GPIHBP1: variants seen among roughly 807,000 people sequenced by gnomAD.
The protein encoded by GPIHBP1 is glycosylphosphatidylinositol-anchored high density lipoprotein-binding protein 1.
A neutral mutation model predicts 13.0 loss-of-function variants in GPIHBP1; 11 were observed. The observed-to-expected ratio is 0.84, with a 90% CI of 0.53 to 1.40. GPIHBP1 has a LOEUF of 1.40. Among genes scored for constraint, GPIHBP1 ranks in the 40% most tolerant of loss-of-function variants. The pLI, the probability that GPIHBP1 is intolerant of heterozygous loss-of-function variation, is 0.00. For missense variants in GPIHBP1, 231 were observed against 241.1 expected, an observed-to-expected ratio of 0.96 and a Z score of 0.28; for synonymous variants, 106 against 102.2, an observed-to-expected ratio of 1.04 and a Z score of -0.22.
rs1816247780 is a variant in GPIHBP1, at chr8:143,213,296, C to T, written c.29C>T (p.Ala10Val). ...AAGGCGCTCGGGGCTGTCCTGCTTGCCCTCTTGCTGTTCGGGCGGCCAGGT... is the reference window on the plus strand; with the variant it reads ...AAGGCGCTCGGGGCTGTCCTGCTTGTCCTCTTGCTGTTCGGGCGGCCAGGT... The part of the protein sequence containing the change: MKALGAVLL[A>V]LLLFGRPGRG... Residue 10 changes from alanine (A) to valine (V), a missense_variant, in exon 1 of 4, where the codon GCC becomes GTC. Transcript: ENST00000622500. 1 of 1,597,898 alleles carries T rather than the reference C, an allele frequency of 6.3e-7. No individual in the cohort carries two copies. Among genetic ancestry groups the T allele is most frequent in the Non-Finnish European group, 8.5e-7 (1 of 1,176,436 alleles).
In GPIHBP1 at chr8:143,215,935, T is replaced by G; in HGVS notation, c.*417T>G. The G allele has an allele frequency of 5.0e-5, 10 of 201,768 alleles. No homozygotes were observed. Among genetic ancestry groups the G allele is most frequent in the East Asian group, 2.4e-4 (2 of 8,240 alleles). The allele number at this position is 201,768 out of a possible 1,614,324, so 12.5% of individuals were successfully genotyped here. A position where few individuals can be genotyped will look rare whatever the true frequency, so the allele number is the denominator to read the frequency against. Reference sequence around the variant, plus strand: ...GCGGTCACACGGGCCCACCCTGCCCTTCCCCAGGTCGGCCTCTCCGCTGTC... The same window carrying G: ...GCGGTCACACGGGCCCACCCTGCCCGTCCCCAGGTCGGCCTCTCCGCTGTC... On this transcript the variant is annotated 3_prime_UTR_variant, in exon 4 of 4. Coordinates refer to ENST00000622500, the MANE Select transcript of GPIHBP1 (RefSeq NM_178172.6).
Position 143,214,003 on chromosome 8 carries a change from T to C in GPIHBP1, c.181+53T>C. ...GCTGCCTGATCTGCCTGGAGCATTCTGGGCGGGGCTGTGTGATGGAAGCCA... is the reference window on the plus strand; with the variant it reads ...GCTGCCTGATCTGCCTGGAGCATTCCGGGCGGGGCTGTGTGATGGAAGCCA... On this transcript the variant is annotated intron_variant, in intron 2 of 3. Coordinates refer to ENST00000622500, the MANE Select transcript of GPIHBP1 (RefSeq NM_178172.6). This position sits in a 1 kb window ranked among gnomAD's most constrained non-coding sequence, Gnocchi z 4.1. 3.2e-6 allele frequency: 5 copies of C among 1,545,670 alleles called. No individual in the cohort carries two copies. In the South Asian group the frequency reaches 4.8e-5, roughly 15 times the overall value.
At chr8:143,213,479 G>A (rs1039698746) in intron 1 of GPIHBP1, among the ~76,000 whole-genome samples, 160 bp downstream of exon 1, 3 of 151,908 alleles carry the variant, frequency 2.0e-5, no homozygotes, top group Non-Finnish European at 4.4e-5. Flanking sequence ...CTGGGTCCCC[G>A]AGAGTCCCCA....
In GPIHBP1 at chr8:143,214,909, C is replaced by A. The variant is rs1291513486; in HGVS notation, c.182-104C>A. 6 of 801,100 alleles carry A rather than the reference C, an allele frequency of 7.5e-6. No homozygotes were observed. The East Asian group carries it at 8.0e-5, about 11-fold the overall frequency. 49.6% of individuals were successfully genotyped at this position (801,100 alleles called of 1,614,324 possible). A position where few individuals can be genotyped will look rare whatever the true frequency, so the allele number is the denominator to read the frequency against. Reference sequence around the variant, plus strand: ...CTGAGCAGTGGGTGCTGGAGGCTCACCAGGCTAGGCTTTGGGAGCACAGCT... The same window carrying A: ...CTGAGCAGTGGGTGCTGGAGGCTCAACAGGCTAGGCTTTGGGAGCACAGCT... On this transcript the variant is annotated intron_variant, in intron 2 of 3. Coordinates refer to ENST00000622500, the MANE Select transcript of GPIHBP1 (RefSeq NM_178172.6). The surrounding 1 kb of genome is among the most constrained non-coding windows in gnomAD (Gnocchi z 4.1).
chr8:143,215,679 T>G lies in GPIHBP1; in HGVS notation c.*161T>G. 1.6e-6 allele frequency: 1 copy of G among 633,302 alleles called. No individual in the cohort carries two copies. Among genetic ancestry groups the G allele is most frequent in the Non-Finnish European group, 2.7e-6 (1 of 367,164 alleles). The allele number at this position is 633,302 out of a possible 1,614,324, so 39.2% of individuals were successfully genotyped here. On this transcript the variant is annotated 3_prime_UTR_variant, in exon 4 of 4. Transcript: ENST00000622500. ...CCCCCCGGCCCGGTTGCTTCCTCAGTTCCCGGCTGTGTCCTTGGTGTCCTT... is the reference window on the plus strand; with the variant it reads ...CCCCCCGGCCCGGTTGCTTCCTCAGGTCCCGGCTGTGTCCTTGGTGTCCTT...
In GPIHBP1 at chr8:143,215,310, C is replaced by CCAT; in HGVS notation, c.350_352dup (p.Ile117dup). 1.2e-6 allele frequency: 2 copies of CCAT among 1,612,924 alleles called. No individual in the cohort carries two copies. Among genetic ancestry groups the CCAT allele is most frequent in the Non-Finnish European group, 1.7e-6 (2 of 1,179,994 alleles). ...ACGTGGTGCACAGACAGCTGCCAGC[C>CCAT]CATCACCAAGACGGTGGAGGGGACC... On this transcript the variant is annotated inframe_insertion, in exon 4 of 4. Coordinates refer to ENST00000622500, the MANE Select transcript of GPIHBP1 (RefSeq NM_178172.6).
Position 143,217,119 on chromosome 8 carries a change from C to T in GPIHBP1, c.*1601C>T, listed in dbSNP as rs942612713. On this transcript the variant is annotated 3_prime_UTR_variant, in exon 4 of 4. Transcript: ENST00000622500. Reference sequence around the variant, plus strand: ...GCTGCCGACAGAAGTCACTGCCTACCTCAGGGTCCCCTTACCTGGGTGGGA... The same window carrying T: ...GCTGCCGACAGAAGTCACTGCCTACTTCAGGGTCCCCTTACCTGGGTGGGA... The T allele has an allele frequency of 1.3e-5, 2 of 152,232 alleles. No individual in the cohort carries two copies. Among genetic ancestry groups the T allele is most frequent in the Admixed American group, 6.5e-5 (1 of 15,286 alleles). 9.4% of individuals were successfully genotyped at this position (152,232 alleles called of 1,614,324 possible).
Position 143,215,372 on chromosome 8 carries a change from A to G in GPIHBP1, c.409A>G (p.Asn137Asp). 1 of 1,612,898 alleles carries G rather than the reference A, an allele frequency of 6.2e-7. No individual in the cohort carries two copies. The highest frequency in any genetic ancestry group is 8.5e-7 in the Non-Finnish European group (1 of 1,179,998). Residue 137 changes from asparagine to aspartate, a missense_variant, in exon 4 of 4, where the codon AAT becomes GAT. Coordinates refer to ENST00000622500, the MANE Select transcript of GPIHBP1 (RefSeq NM_178172.6). ...GACCTGCTGCCAGTCCAGCCTGTGC[A>G]ATGTCCCACCCTGGCAAAGCTCCCG... ...TMTCCQSSLC[N>D]VPPWQSSRVQ...
In GPIHBP1 at chr8:143,215,880, A is replaced by G; in HGVS notation, c.*362A>G. The G allele has an allele frequency of 3.6e-6, 1 of 280,592 alleles. No homozygotes were observed. The highest frequency in any genetic ancestry group is 6.7e-6 in the Non-Finnish European group (1 of 148,544). 17.4% of individuals were successfully genotyped at this position (280,592 alleles called of 1,614,324 possible). Reference sequence around the variant, plus strand: ...CCCCCACACCCAGTCCTCACCCTTAACTTCTGCCATGGGAATTCCTCCATC... The same window carrying G: ...CCCCCACACCCAGTCCTCACCCTTAGCTTCTGCCATGGGAATTCCTCCATC... On this transcript the variant is annotated 3_prime_UTR_variant, in exon 4 of 4. Transcript: ENST00000622500.
In GPIHBP1 at chr8:143,214,605, G is replaced by C. The variant is rs58301047; in HGVS notation, c.182-408G>C. On this transcript the variant is annotated intron_variant, in intron 2 of 3. Transcript: ENST00000622500. This position sits in a 1 kb window ranked among gnomAD's most constrained non-coding sequence, Gnocchi z 4.1. ...CACACAGCCCACCCCCCTCCCAGGA[G>C]CCCCAAGCCTGCCCTCAGCACGAGC... is the stretch of plus-strand genomic sequence containing the variant. Among the ~76,000 whole-genome samples, 36,340 of 151,078 alleles carry C rather than the reference G, an allele frequency of 0.24. 4,827 individuals are homozygous for C. Among genetic ancestry groups the C allele is most frequent in the African/African-American group, 0.36 (14,976 of 41,084 alleles).
rs901803903 is a variant in GPIHBP1, at chr8:143,215,660, G to A, written c.*142G>A. 1.1e-4 allele frequency: 75 copies of A among 710,228 alleles called. No individual in the cohort carries two copies. The highest frequency in any genetic ancestry group is 1.3e-4 in the Non-Finnish European group (57 of 436,442). The allele number at this position is 710,228 out of a possible 1,614,324, so 44.0% of individuals were successfully genotyped here. A position where few individuals can be genotyped will look rare whatever the true frequency, so the allele number is the denominator to read the frequency against. ...GCGATCCAGCCAGCGCAGGCCCCCC[G>A]GCCCGGTTGCTTCCTCAGTTCCCGG... On this transcript the variant is annotated 3_prime_UTR_variant, in exon 4 of 4. Transcript: ENST00000622500.
chr8:143,215,211 C>T lies in GPIHBP1; in HGVS notation c.296-48C>T, dbSNP rs754340438. On this transcript the variant is annotated intron_variant, in intron 3 of 3. Transcript: ENST00000622500. ...GGAACAGAGCCCTGCAGAGCCACCTCAGAGACCCCGCCCATCCTCAGCACT... is the reference window on the plus strand; with the variant it reads ...GGAACAGAGCCCTGCAGAGCCACCTTAGAGACCCCGCCCATCCTCAGCACT... The T allele has an allele frequency of 5.0e-6, 8 of 1,612,556 alleles. No homozygotes were observed. In the African/African-American group the frequency reaches 1.1e-4, roughly 22 times the overall value.
rs1416090095 is a variant in GPIHBP1, at chr8:143,213,857, G to A, written c.88G>A (p.Asp30Asn). The A allele has an allele frequency of 1.3e-6, 2 of 1,558,180 alleles. No homozygotes were observed. The highest frequency in any genetic ancestry group is 1.2e-5 in the South Asian group (1 of 84,496). Residue 30 changes from aspartate (D) to asparagine (N), a missense_variant, in exon 2 of 4, where the codon GAC becomes AAC. Transcript: ENST00000622500. The part of the protein sequence containing the change: ...GQTQQEEEEE[D>N]EDHGPDDYDE... ...GACACAGCAGGAGGAAGAGGAAGAGGACGAGGACCACGGGCCAGATGACTA... is the reference window on the plus strand; with the variant it reads ...GACACAGCAGGAGGAAGAGGAAGAGAACGAGGACCACGGGCCAGATGACTA...
intron 1 of GPIHBP1, 38 bp from the exon 2 acceptor site, chr8:143,213,784 C>CG: frequency 6.3e-7 from 1 of 1,574,928 alleles, no homozygotes; most frequent in Non-Finnish European, 8.6e-7. Flanking sequence ...CCTCCATACC[C>CG]GGGTAGCTGA....
In GPIHBP1 at chr8:143,214,595, C is replaced by A. The variant is rs915965608; in HGVS notation, c.182-418C>A. 6.6e-5 allele frequency among the ~76,000 whole-genome samples: 10 copies of A among 152,102 alleles called. No homozygotes were observed. Among genetic ancestry groups the A allele is most frequent in the Admixed American group, 5.9e-4 (9 of 15,294 alleles). On this transcript the variant is annotated intron_variant, in intron 2 of 3. Transcript: ENST00000622500. The surrounding 1 kb of genome is among the most constrained non-coding windows in gnomAD (Gnocchi z 4.1). ...TGCCCCACCACACACAGCCCACCCC[C>A]CTCCCAGGAGCCCCAAGCCTGCCCT...
Position 143,215,741 on chromosome 8 carries a change from G to A in GPIHBP1, c.*223G>A, listed in dbSNP as rs1816299048. ...TGTGAGCAGCAAGACTGCCGCACGT[G>A]GGCGCTGGGTCCAGACCTCGGCTGC... On this transcript the variant is annotated 3_prime_UTR_variant, in exon 4 of 4. Coordinates refer to ENST00000622500, the MANE Select transcript of GPIHBP1 (RefSeq NM_178172.6). The A allele has an allele frequency of 3.4e-6, 2 of 593,804 alleles. No individual in the cohort carries two copies. Among genetic ancestry groups the A allele is most frequent in the Non-Finnish European group, 6.0e-6 (2 of 333,616 alleles). The allele number at this position is 593,804 out of a possible 1,614,324, so 36.8% of individuals were successfully genotyped here.
chr8:143,216,922 C>G lies in GPIHBP1; in HGVS notation c.*1404C>G, dbSNP rs189517150. On this transcript the variant is annotated 3_prime_UTR_variant, in exon 4 of 4. Coordinates refer to ENST00000622500, the MANE Select transcript of GPIHBP1 (RefSeq NM_178172.6). ...TTCTTTTCCTTATTAATAAAACACA[C>G]AATGCCTAGCTGGGGGGTCGGAAGG... 1 of 152,334 alleles carries G rather than the reference C, an allele frequency of 6.6e-6. No homozygotes were observed. The highest frequency in any genetic ancestry group is 2.1e-4 in the South Asian group (1 of 4,828). 9.4% of individuals were successfully genotyped at this position (152,334 alleles called of 1,614,324 possible).
In GPIHBP1 at chr8:143,214,027, C is replaced by T; in HGVS notation, c.181+77C>T. 6.5e-7 allele frequency: 1 copy of T among 1,531,470 alleles called. No homozygotes were observed. Among genetic ancestry groups the T allele is most frequent in the Non-Finnish European group, 8.8e-7 (1 of 1,133,940 alleles). The allele number at this position is 1,531,470 out of a possible 1,614,324, so 94.9% of individuals were successfully genotyped here. A position where few individuals can be genotyped will look rare whatever the true frequency, so the allele number is the denominator to read the frequency against. On this transcript the variant is annotated intron_variant, in intron 2 of 3. Transcript: ENST00000622500. The surrounding 1 kb of genome is among the most constrained non-coding windows in gnomAD (Gnocchi z 4.1). ...CTGGGCGGGGCTGTGTGATGGAAGC[C>T]AGCAGGCCACAGTCCTGCTGTGAGC... is the stretch of plus-strand genomic sequence containing the variant.
chr8:143,213,309 C>T lies in GPIHBP1; in HGVS notation c.42C>T (p.Phe14=), dbSNP rs749010241. 4.4e-6 allele frequency: 7 copies of T among 1,594,288 alleles called. No homozygotes were observed. Among genetic ancestry groups the T allele is most frequent in the South Asian group, 2.3e-5 (2 of 88,204 alleles). ...CTGTCCTGCTTGCCCTCTTGCTGTT[C>T]GGGCGGCCAGGTGCGGGGCAAAGGG... The part of the protein sequence containing the change: ...LGAVLLALLL[F]GRPGRGQTQQ... The change falls in exon 1 of 4, where the codon TTC becomes TTT. Residue 14 remains phenylalanine (F), a synonymous_variant. Coordinates refer to ENST00000622500, the MANE Select transcript of GPIHBP1 (RefSeq NM_178172.6).
Sources: gnomAD v4.1 joint callset for allele counts (sites outside exome capture counted in the v4.1 genomes callset) on GRCh38, gnomAD v4.1.1 for gene constraint, Gnocchi (gnomAD v3.1) non-coding constraint, MANE v1.5 for transcripts, NCBI Gene and HGNC (gene_info 2026-07-23, HGNC 2026-07-21) for gene names.